Variants in MPZL1 observed in about 807,000 individuals in gnomAD.
The protein encoded by MPZL1 is myelin protein zero like 1, also known as myelin protein zero-like protein 1.
Under a neutral mutation model 29.3 loss-of-function variants are expected in MPZL1, and 16 were observed. The ratio of observed to expected loss-of-function variants is 0.55; its 90% CI spans 0.37 to 0.83. The LOEUF (loss-of-function observed/expected upper bound fraction) is 0.83, where lower values mean the gene tolerates loss of function less well. MPZL1 is among the 40% of genes least tolerant of loss of function. MPZL1 has a pLI of 0.00. For missense variants in MPZL1, 279 were observed against 332.9 expected, an observed-to-expected ratio of 0.84 and a Z score of 1.26; for synonymous variants, 143 against 132.0, an observed-to-expected ratio of 1.08 and a Z score of -0.57.
intron 1 of MPZL1, among the ~76,000 whole-genome samples, chr1:167,726,078 T>C (rs1449802515): frequency 6.6e-6 from 1 of 152,256 alleles, no homozygotes; most frequent in African/African-American, 2.4e-5. Flanking sequence ...CTCTTTGTGA[T>C]CTGGTTTCTG....
intron 1 of MPZL1, among the ~76,000 whole-genome samples, chr1:167,748,067 C>G (rs926943046): frequency 6.6e-6 from 1 of 152,074 alleles, no homozygotes; most frequent in Non-Finnish European, 1.5e-5. Flanking sequence ...TATTTCATTT[C>G]TTTTTATAGC....
chr1:167,731,403 C>G (rs968879635), intron 1 of MPZL1, among the ~76,000 whole-genome samples: 1 of 148,570 alleles, frequency 6.7e-6, no homozygotes, highest in East Asian at 2.0e-4. Flanking sequence ...TGCTACTGCA[C>G]TTTTGCCTGG....
At chr1:167,735,583 A>T (rs980484654) in intron 1 of MPZL1, among the ~76,000 whole-genome samples, 2 of 152,158 alleles carry the variant, frequency 1.3e-5, no homozygotes, top group East Asian at 1.9e-4. Flanking sequence ...ATAGATAGGA[A>T]TTCGCTCATA....
At position 167,739,282 on chromosome 1, in the gene MPZL1, C is replaced by CATATATACATATATATATATATATAT. The variant is rs1387652331; in HGVS notation, c.91+17047_91+17048insCATATATATATATATATATATATATA. Among the ~76,000 whole-genome samples the CATATATACATATATATATATATATAT allele has an allele frequency of 1.7e-3, 156 of 90,216 alleles. 1 individual carries two copies. The highest frequency in any genetic ancestry group is 5.4e-3 in the Middle Eastern group (1 of 184). The allele number at this position is 90,216 out of a possible 152,430, so 59.2% of individuals were successfully genotyped here. A position where few individuals can be genotyped will look rare whatever the true frequency, so the allele number is the denominator to read the frequency against. On this transcript the variant is annotated intron_variant, in intron 1 of 5. Transcript: ENST00000359523. ...ATACACATACATATATACATATATACATATATATATATATATATATATATA... is the reference window on the plus strand; with the variant it reads ...ATACACATACATATATACATATATACATATATACATATATATATATATATATATATATATATATATATATATATATA...
chr1:167,774,149 A>G (rs1040939976), intron 4 of MPZL1, among the ~76,000 whole-genome samples: 10 of 152,236 alleles, frequency 6.6e-5, no homozygotes, highest in Non-Finnish European at 1.5e-4. Flanking sequence ...GGCTTCTCAG[A>G]TGGAACACGT....
At chr1:167,785,452 G>T (rs1661572491) in intron 5 of MPZL1, among the ~76,000 whole-genome samples, 2 of 152,224 alleles carry the variant, frequency 1.3e-5, no homozygotes, top group Non-Finnish European at 2.9e-5. Flanking sequence ...CATCACTGCT[G>T]CCTCATTCTG....
chr1:167,783,611 A>G (rs1207033932), intron 5 of MPZL1, among the ~76,000 whole-genome samples: 1 of 152,224 alleles, frequency 6.6e-6, no homozygotes, highest in Non-Finnish European at 1.5e-5. Flanking sequence ...CCTCCAGGGT[A>G]AGTTCTTCTG....
rs775498845 is a variant in MPZL1, at chr1:167,789,563, G to A, written c.*1642G>A. 9 of 152,102 alleles carry A rather than the reference G, an allele frequency of 5.9e-5. No individual in the cohort carries two copies. Among genetic ancestry groups the A allele is most frequent in the Non-Finnish European group, 8.8e-5 (6 of 68,022 alleles). The allele number at this position is 152,102 out of a possible 1,614,324, so 9.4% of individuals were successfully genotyped here. ...GTGTGCACAAGGTGGTAAGATAAAG[G>A]GCATATGAGCTTCAAAACTAATGCT... On this transcript the variant is annotated 3_prime_UTR_variant, in exon 6 of 6. Coordinates refer to ENST00000359523, the MANE Select transcript of MPZL1 (RefSeq NM_003953.6).
intron 1 of MPZL1, among the ~76,000 whole-genome samples, chr1:167,735,989 T>A (rs1158657583): frequency 6.6e-6 from 1 of 152,198 alleles, no homozygotes; most frequent in Non-Finnish European, 1.5e-5. Context: ...TCTGACTTCC[T>A]CCTCCTCTCA....
intron 1 of MPZL1, among the ~76,000 whole-genome samples, chr1:167,722,853 A>G (rs1208967549): frequency 1.3e-5 from 2 of 152,218 alleles, no homozygotes; most frequent in African/African-American, 2.4e-5. Context: ...TTAGAATGCA[A>G]AGAGCTTGGA....
chr1:167,743,139 T>C (rs1429465334), intron 1 of MPZL1, among the ~76,000 whole-genome samples: 1 of 152,000 alleles, frequency 6.6e-6, no homozygotes, highest in Non-Finnish European at 1.5e-5. Flanking sequence ...TCTAGTTCTG[T>C]GAAAACTGAT....
chr1:167,766,294 G>C (rs1481688533), intron 2 of MPZL1, among the ~76,000 whole-genome samples: 3 of 152,128 alleles, frequency 2.0e-5, no homozygotes, highest in African/African-American at 7.2e-5. Context: ...GTAAGATAAA[G>C]GATGTAACAG....
At chr1:167,724,674 G>A (rs1660105277) in intron 1 of MPZL1, among the ~76,000 whole-genome samples, 1 of 152,178 alleles carries the variant, frequency 6.6e-6, no homozygotes, top group Non-Finnish European at 1.5e-5. Flanking sequence ...AGAAGATGAT[G>A]GAGATACTTT....
At chr1:167,772,765 T>C (rs1661279445) in intron 3 of MPZL1, among the ~76,000 whole-genome samples, 1 of 152,168 alleles carries the variant, frequency 6.6e-6, no homozygotes, top group Admixed American at 6.5e-5. Context: ...CAGTGTTAAT[T>C]AGAAGAAAGA....
At chr1:167,772,000 G>A (rs1483341021) in intron 2 of MPZL1, among the ~76,000 whole-genome samples, 3 of 152,118 alleles carry the variant, frequency 2.0e-5, no homozygotes, top group Non-Finnish European at 4.4e-5. Flanking sequence ...GCACGTGCCT[G>A]CAATCCCAGG....
Position 167,748,314 on chromosome 1 carries a change from A to G in MPZL1, c.92-17269A>G, listed in dbSNP as rs1358045235. On this transcript the variant is annotated intron_variant, in intron 1 of 5. Coordinates refer to ENST00000359523, the MANE Select transcript of MPZL1 (RefSeq NM_003953.6). The stretch of plus-strand genomic sequence containing the variant: ...TCCTCTCCAGCTACTGGTTAGTGCC[A>G]TCTTTTTGATATAGCCATCCTAGCG... 1.3e-5 allele frequency among the ~76,000 whole-genome samples: 2 copies of G among 152,148 alleles called. 1 individual carries two copies. The highest frequency in any genetic ancestry group is 2.9e-5 in the Non-Finnish European group (2 of 68,014).
chr1:167,771,139 G>C (rs950716184), intron 2 of MPZL1, among the ~76,000 whole-genome samples: 1 of 151,938 alleles, frequency 6.6e-6, no homozygotes, highest in Non-Finnish European at 1.5e-5. Context: ...AGGTCCCTGC[G>C]GCCTTCCGCA....
At chr1:167,748,893 T>C (rs1245050060) in intron 1 of MPZL1, among the ~76,000 whole-genome samples, 1 of 152,250 alleles carries the variant, frequency 6.6e-6, no homozygotes, top group Non-Finnish European at 1.5e-5. Context: ...TATGATACTA[T>C]AGTATTCTCT....
intron 1 of MPZL1, among the ~76,000 whole-genome samples, chr1:167,761,756 C>T (rs1203499931): frequency 6.6e-6 from 1 of 152,140 alleles, no homozygotes; most frequent in Non-Finnish European, 1.5e-5. Context: ...GGATTGTGTG[C>T]TTTTGTCCAG....
Sources: gnomAD v4.1 joint callset for allele counts (sites outside exome capture counted in the v4.1 genomes callset) on GRCh38, gnomAD v4.1.1 for gene constraint, MANE v1.5 for transcripts, NCBI Gene and HGNC (gene_info 2026-07-23, HGNC 2026-07-21) for gene names.